Variants in CMTM8 observed in about 807,000 individuals in gnomAD.
The protein encoded by CMTM8 is CKLF like MARVEL transmembrane domain containing 8.
In CMTM8, 12 loss-of-function variants were observed where a neutral mutation model predicts 18.6. The observed-to-expected ratio is 0.65, with a 90% CI of 0.41 to 1.05. CMTM8 has a LOEUF of 1.05. Ranked by LOEUF, CMTM8 falls within the 50% of genes least tolerant of loss-of-function variation. The pLI is 0.00. For missense variants in CMTM8, 217 were observed against 227.2 expected (o/e 0.95, Z 0.29); for synonymous variants, 87 against 90.6 (o/e 0.96, Z 0.23).
At chr3:32,349,610 G>A (rs1696665092) in intron 1 of CMTM8, among the ~76,000 whole-genome samples, 1 of 152,132 alleles carries the variant, frequency 6.6e-6, no homozygotes, top group African/African-American at 2.4e-5. Context: ...ATTAAGAGTG[G>A]GGAGGTGGAG....
chr3:32,357,294 T>A, intron 1 of CMTM8, 79 bp from the exon 2 acceptor site: 1 of 1,050,964 alleles, frequency 9.5e-7, no homozygotes, highest in Non-Finnish European at 1.4e-6. Context: ...AATTATTTTT[T>A]TTTCTTTGTC....
rs539741991 is a variant in CMTM8 at position 32,275,629 on chromosome 3, C to G, written c.147+36510C>G. Among the ~76,000 whole-genome samples the G allele has an allele frequency of 2.7e-5, 4 of 149,190 alleles. No individual in the cohort carries two copies. In the East Asian group the frequency reaches 6.0e-4, roughly 22 times the overall value. On this transcript the variant is annotated intron_variant, in intron 1 of 3. Coordinates refer to ENST00000307526, the MANE Select transcript of CMTM8 (RefSeq NM_178868.5). ...AGAATCTGTGTGAGGAGCACAAAGG[C>G]CCCCCATGTACTTCCTTTTTTTTTT...
chr3:32,255,927 C>T (rs189525822), intron 1 of CMTM8, among the ~76,000 whole-genome samples: 2 of 152,154 alleles, frequency 1.3e-5, no homozygotes, highest in East Asian at 3.9e-4. Context: ...AGGATTTCGC[C>T]GCATTGCCCA....
chr3:32,353,355 A>G (rs1201699183), intron 1 of CMTM8, among the ~76,000 whole-genome samples: 7 of 152,204 alleles, frequency 4.6e-5, no homozygotes, highest in African/African-American at 1.7e-4. Flanking sequence ...TAAAATGTGT[A>G]TTCTAGAAAT....
intron 1 of CMTM8, among the ~76,000 whole-genome samples, chr3:32,240,607 T>A (rs1468769497): frequency 6.6e-6 from 1 of 152,086 alleles, no homozygotes; most frequent in Non-Finnish European, 1.5e-5. Flanking sequence ...AATACAAAAG[T>A]GAAAGAAATG....
chr3:32,249,030 CTTTTTTTTT>C lies in CMTM8; in HGVS notation c.147+9931_147+9939del, dbSNP rs58156524. 8.0e-4 allele frequency among the ~76,000 whole-genome samples: 50 copies of C among 62,456 alleles called. 1 individual carries two copies. Among genetic ancestry groups the C allele is most frequent in the African/African-American group, 2.9e-3 (43 of 14,620 alleles). The allele number at this position is 62,456 out of a possible 152,430, so 41.0% of individuals were successfully genotyped here. On this transcript the variant is annotated intron_variant, in intron 1 of 3. Coordinates refer to ENST00000307526, the MANE Select transcript of CMTM8 (RefSeq NM_178868.5). The stretch of plus-strand genomic sequence containing the variant: ...ATGGAGTTACTGGGTAATGTGGAAT[CTTTTTTTTT>C]TTTTTTTTTTTTTTTTTTTGATACG...
chr3:32,355,341 A>G (rs1696796252), intron 1 of CMTM8, among the ~76,000 whole-genome samples: 1 of 152,172 alleles, frequency 6.6e-6, no homozygotes, highest in African/African-American at 2.4e-5. Context: ...TTCCAACAGA[A>G]CAAGTCCAAC....
At chr3:32,254,729 T>A (rs1702155228) in intron 1 of CMTM8, among the ~76,000 whole-genome samples, 1 of 151,684 alleles carries the variant, frequency 6.6e-6, no homozygotes, top group South Asian at 2.1e-4. Context: ...AAAAAAAAAA[T>A]GACAGCTTTA....
chr3:32,369,492 TG>T (rs1027440321), intron 3 of CMTM8, among the ~76,000 whole-genome samples: 1 of 152,114 alleles, frequency 6.6e-6, no homozygotes, highest in African/African-American at 2.4e-5. Context: ...TCACATACCA[TG>T]TGGGCTCATT....
At chr3:32,259,092 C>T (rs1222487381) in intron 1 of CMTM8, 16 of 387,318 alleles carry the variant, frequency 4.1e-5, no homozygotes, top group African/African-American at 1.5e-4. Flanking sequence ...CCCGGATCAC[C>T]GTGTCCTGCT....
chr3:32,273,712 T>C (rs1167628869), intron 1 of CMTM8, among the ~76,000 whole-genome samples: 1 of 152,144 alleles, frequency 6.6e-6, no homozygotes, highest in Non-Finnish European at 1.5e-5. Context: ...CTATTGCTGA[T>C]AGATATGGAG....
chr3:32,360,998 T>G (rs1334170200), intron 2 of CMTM8, among the ~76,000 whole-genome samples: 2 of 152,252 alleles, frequency 1.3e-5, no homozygotes, highest in African/African-American at 4.8e-5. Flanking sequence ...TGTTTCGTTT[T>G]GAGATGGAGT....
chr3:32,242,777 G>A (rs1171900119), intron 1 of CMTM8, among the ~76,000 whole-genome samples: 1 of 152,058 alleles, frequency 6.6e-6, no homozygotes, highest in African/African-American at 2.4e-5. Flanking sequence ...CACCTGGTGT[G>A]TTCTCTCAAA....
chr3:32,259,404 A>T, intron 1 of CMTM8: 2 of 866,310 alleles, frequency 2.3e-6, no homozygotes, highest in Non-Finnish European at 4.0e-6. Context: ...CAGATTGACA[A>T]TGCCTGTCTT....
At chr3:32,309,300 A>ATTTTTTTT (rs4038996) in intron 1 of CMTM8, among the ~76,000 whole-genome samples, 3 of 96,436 alleles carry the variant, frequency 3.1e-5, no homozygotes, top group African/African-American at 4.1e-5. Flanking sequence ...CAATTTACCA[A>ATTTTTTTT]TTTTTTTTTT....
rs1408889483 is a variant in CMTM8 at position 32,369,869 on chromosome 3, C to T, written c.439-15C>T. On this transcript the variant is annotated splice_polypyrimidine_tract_variant and intron_variant, in intron 3 of 3. Transcript: ENST00000307526. The stretch of plus-strand genomic sequence containing the variant: ...TGCCCTAAACCCCACTTCTATTATG[C>T]TTTGTTTTCTCCAGTTCTTTGCCTT... 1.3e-6 allele frequency: 2 copies of T among 1,587,876 alleles called. No homozygotes were observed. The highest frequency in any genetic ancestry group is 1.7e-5 in the Admixed American group (1 of 59,392).
intron 1 of CMTM8, among the ~76,000 whole-genome samples, chr3:32,352,360 GTTC>G (rs1696727395): frequency 6.6e-6 from 1 of 152,124 alleles, no homozygotes; most frequent in African/African-American, 2.4e-5. Context: ...TTCATCAGTG[GTTC>G]TTCATGTGTA....
intron 1 of CMTM8, among the ~76,000 whole-genome samples, chr3:32,247,514 T>C (rs547635760): frequency 2.0e-5 from 3 of 152,260 alleles, no homozygotes; most frequent in Non-Finnish European, 2.9e-5. Context: ...TTAGCAGATA[T>C]GGAGTTTCAC....
chr3:32,267,828 T>C (rs974774006), intron 1 of CMTM8, among the ~76,000 whole-genome samples: 5 of 152,026 alleles, frequency 3.3e-5, no homozygotes, highest in African/African-American at 1.2e-4. Context: ...ATTTATGCAG[T>C]CAAAAGACAT....
Sources: gnomAD v4.1 joint callset for allele counts (sites outside exome capture counted in the v4.1 genomes callset) on GRCh38, gnomAD v4.1.1 for gene constraint, MANE v1.5 for transcripts, NCBI Gene and HGNC (gene_info 2026-07-23, HGNC 2026-07-21) for gene names.